ANXA11: variants seen among roughly 807,000 people sequenced by gnomAD.
ANXA11 encodes the protein annexin A11.
In ANXA11, 57 loss-of-function variants were observed where a neutral mutation model predicts 64.7. The ratio of observed to expected loss-of-function variants is 0.88; its 90% confidence interval spans 0.71 to 1.10. ANXA11 has a LOEUF of 1.10. Among genes scored for constraint, ANXA11 ranks in the 50% least tolerant of loss-of-function variants. ANXA11 has a pLI of 0.00. For synonymous variants in ANXA11, 260 were observed against 265.2 expected (o/e 0.98, Z 0.19); for missense variants, 675 against 670.7 (o/e 1.01, Z -0.07).
intron 11 of ANXA11, among the ~76,000 whole-genome samples, chr10:80,163,121 A>G (rs923003366): frequency 6.6e-6 from 1 of 152,150 alleles, no homozygotes; most frequent in Non-Finnish European, 1.5e-5. Flanking sequence ...TCGAAATACT[A>G]ATTATCTCAC....
chr10:80,157,920 A>G (rs774408735), intron 14 of ANXA11, 47 bp downstream of exon 14: 11 of 1,605,484 alleles, frequency 6.9e-6, no homozygotes, highest in Non-Finnish European at 9.4e-6. Context: ...TCCCAGGCAC[A>G]GGCGAGGCTA....
chr10:80,171,325 A>G, intron 3 of ANXA11: 1 of 923,044 alleles, frequency 1.1e-6, no homozygotes, highest in Non-Finnish European at 1.3e-6. Context: ...AGTAATGCGA[A>G]GGCACTGGCG....
Position 80,169,037 on chromosome 10 carries a change from G to A in ANXA11, c.493C>T (p.Gln165Ter). The A allele has an allele frequency of 1.3e-6, 2 of 1,545,924 alleles. No homozygotes were observed. Residue 165 changes from glutamine to a stop codon, truncating the protein, a stop_gained, in exon 5 of 16, where the codon CAG becomes TAG. Coordinates refer to ENST00000422982, the MANE Select transcript of ANXA11 (RefSeq NM_145868.2). LOFTEE classifies it high-confidence loss of function. ...TATCCTGGGTAGCTCGGCACTGGCT[G>A]CTGCTGCCCAGGGAGTGGCACTGGA... is the stretch of plus-strand genomic sequence containing the variant. The part of the protein sequence containing the change: ...QPPVPLPGQQ[Q>*]PVPSYPGYPG...
chr10:80,166,790 C>A, intron 7 of ANXA11, 100 bp downstream of exon 7: 1 of 907,004 alleles, frequency 1.1e-6, no homozygotes. Context: ...TACTGTCCAT[C>A]CGGGAGATCC....
chr10:80,159,183 TA>T lies in ANXA11; in HGVS notation c.1192del (p.Tyr398ThrfsTer4). The T allele has an allele frequency of 6.2e-7, 1 of 1,613,970 alleles. No homozygotes were observed. The highest frequency in any genetic ancestry group is 1.7e-5 in the Admixed American group (1 of 60,018). ...AATGTCCCGGCCTGTCATTCTCTGG[TA>T]CTCATTGAAAACTATGGGGATGACA... ...RAHLVAVFNE[Y>X]QRMTGRDIEK... is the part of the protein sequence containing the mutation. On this transcript the variant is annotated frameshift_variant, in exon 13 of 16. Transcript: ENST00000422982. LOFTEE classifies it high-confidence loss of function.
intron 2 of ANXA11, among the ~76,000 whole-genome samples, chr10:80,174,086 G>A (rs1048264677): frequency 3.3e-5 from 5 of 151,836 alleles, no homozygotes; most frequent in East Asian, 3.9e-4. Context: ...ACAGGGTCTC[G>A]CTCTGTCACC....
chr10:80,191,376 A>AGAC (rs1294372665), intron 1 of ANXA11, among the ~76,000 whole-genome samples: 1 of 152,178 alleles, frequency 6.6e-6, no homozygotes, highest in Non-Finnish European at 1.5e-5. Flanking sequence ...TGACAGAGTG[A>AGAC]GACTCTGTCT....
chr10:80,186,987 G>T (rs1197461428), intron 1 of ANXA11, among the ~76,000 whole-genome samples: 1 of 152,248 alleles, frequency 6.6e-6, no homozygotes, highest in Non-Finnish European at 1.5e-5. Flanking sequence ...GTGGGCAGCA[G>T]AGGAAGAAAG....
chr10:80,164,872 G>A (rs773066734), intron 8 of ANXA11, among the ~76,000 whole-genome samples: 1 of 152,228 alleles, frequency 6.6e-6, no homozygotes, highest in Non-Finnish European at 1.5e-5. Context: ...CAGGCAGGAC[G>A]TGCGACATTG....
In ANXA11 at chr10:80,170,686, C is replaced by T. The variant is rs2819953; in HGVS notation, c.171+114G>A. On this transcript the variant is annotated intron_variant, in intron 4 of 15. Transcript: ENST00000422982. Reference sequence around the variant, plus strand: ...CTAAGGTACAGCTCAACACACTACACACCACAGCAACACACACATAGACAA... The same window carrying T: ...CTAAGGTACAGCTCAACACACTACATACCACAGCAACACACACATAGACAA... 25 of 775,570 alleles carry T rather than the reference C, an allele frequency of 3.2e-5. No individual in the cohort carries two copies. The African/African-American group carries it at 4.3e-4, about 13-fold the overall frequency. The allele number at this position is 775,570 out of a possible 1,614,324, so 48.0% of individuals were successfully genotyped here. A position where few individuals can be genotyped will look rare whatever the true frequency, so the allele number is the denominator to read the frequency against.
Position 80,155,827 on chromosome 10 carries a change from G to A in ANXA11, c.*26C>T, listed in dbSNP as rs757971318. On this transcript the variant is annotated 3_prime_UTR_variant, in exon 16 of 16. Coordinates refer to ENST00000422982, the MANE Select transcript of ANXA11 (RefSeq NM_145868.2). ...CTGGCACTGGTGTTGCCGGCAGGTG[G>A]GCAGAAGTGAGCCACCAGTCACTGT... 6.2e-7 allele frequency: 1 copy of A among 1,611,328 alleles called. No homozygotes were observed.
Position 80,167,220 on chromosome 10 carries a change from T to G in ANXA11, c.649+6A>C, listed in dbSNP as rs1227643792. Reference sequence around the variant, plus strand: ...AGTAGGATTTGAGCCACCCAGGGTCTCTTACCGAAGCCTTTCATGGCCTTC... The same window carrying G: ...AGTAGGATTTGAGCCACCCAGGGTCGCTTACCGAAGCCTTTCATGGCCTTC... On this transcript the variant is annotated splice_donor_region_variant and intron_variant, in intron 6 of 15. Transcript: ENST00000422982. 1 of 1,613,796 alleles carries G rather than the reference T, an allele frequency of 6.2e-7. No individual in the cohort carries two copies. The highest frequency in any genetic ancestry group is 1.1e-5 in the South Asian group (1 of 91,068).
At chr10:80,168,252 CG>C (rs3838345) in intron 5 of ANXA11, among the ~76,000 whole-genome samples, 3 of 95,074 alleles carry the variant, frequency 3.2e-5, no homozygotes, top group South Asian at 3.3e-4. Context: ...CTGTCTGTGC[CG>C]GGGGGGGCGG....
chr10:80,164,407 G>C (rs1235521202), intron 8 of ANXA11, among the ~76,000 whole-genome samples: 1 of 152,212 alleles, frequency 6.6e-6, no homozygotes, highest in African/African-American at 2.4e-5. Context: ...GCATCAGAGA[G>C]GGGTACTGGC....
At position 80,190,251 on chromosome 10, in the gene ANXA11, G is replaced by A. The variant is rs116959116; in HGVS notation, c.-57-14096C>T. On this transcript the variant is annotated intron_variant, in intron 1 of 15. Coordinates refer to ENST00000422982, the MANE Select transcript of ANXA11 (RefSeq NM_145868.2). ...CACTGAACTGCACACCTAACAGTGG[G>A]TAAAATGGTAAATTTTACGTTGTGT... Among the ~76,000 whole-genome samples, 977 of 152,226 alleles carry A rather than the reference G, an allele frequency of 6.4e-3. 4 individuals are homozygous for A. Among genetic ancestry groups the A allele is most frequent in the Middle Eastern group, 0.01 (3 of 294 alleles).
rs767429947 is a variant in ANXA11, at chr10:80,166,975, T to G, written c.659A>C (p.Glu220Ala). The part of the protein sequence containing the change: ...RKAMKGFGTD[E>A]QAIIDCLGSR... ...CCCCAGGCAGTCAATGATGGCCTGC[T>G]CATCCGTCCCTGGAGGAAGAGGCAG... Residue 220 changes from glutamate (E) to alanine (A), a missense_variant, in exon 7 of 16, where the codon GAG becomes GCG. Transcript: ENST00000422982. 8.1e-6 allele frequency: 13 copies of G among 1,599,112 alleles called. No homozygotes were observed. In the African/African-American group the frequency reaches 1.6e-4, roughly 20 times the overall value.
intron 1 of ANXA11, among the ~76,000 whole-genome samples, chr10:80,195,053 C>T (rs2573376): frequency 0.063 from 9,588 of 152,178 alleles, 308 homozygotes; most frequent in Middle Eastern, 0.085. Flanking sequence ...GGAAGAGAGG[C>T]GAAGAAGACT....
chr10:80,193,274 C>T (rs1454776084), intron 1 of ANXA11, among the ~76,000 whole-genome samples: 1 of 152,104 alleles, frequency 6.6e-6, no homozygotes, highest in African/African-American at 2.4e-5. Context: ...ATCTACCAAG[C>T]AGGAAGTCAA....
intron 1 of ANXA11, among the ~76,000 whole-genome samples, chr10:80,186,904 C>G (rs1415004220): frequency 6.6e-6 from 1 of 152,252 alleles, no homozygotes; most frequent in Non-Finnish European, 1.5e-5. Context: ...CCTGCCCACA[C>G]CAAACAGGCT....
Sources: gnomAD v4.1 joint callset for allele counts (sites outside exome capture counted in the v4.1 genomes callset) on GRCh38, gnomAD v4.1.1 for gene constraint, MANE v1.5 for transcripts, NCBI Gene and HGNC (gene_info 2026-07-23, HGNC 2026-07-21) for gene names.